RNASE11: variants seen among roughly 807,000 people sequenced by gnomAD.
RNASE11 encodes ribonuclease A family member 11 (inactive).
For missense variants in RNASE11, 252 were observed against 237.8 expected (o/e 1.06, Z -0.39); for synonymous variants, 105 against 86.1 (o/e 1.22, Z -1.21).
chr14:20,585,887 TTC>T (rs1884424630), intron 1 of RNASE11, among the ~76,000 whole-genome samples: 1 of 152,218 alleles, frequency 6.6e-6, no homozygotes, highest in Non-Finnish European at 1.5e-5. Context: ...TAATAATTAT[TTC>T]TCTCTCTTTA....
At chr14:20,585,037 G>T (rs1046521541) in intron 1 of RNASE11, 4 of 981,974 alleles carry the variant, frequency 4.1e-6, no homozygotes, top group Non-Finnish European at 3.6e-6. Context: ...CAGTTCCTTC[G>T]GCAAGTTGAT....
chr14:20,585,422 C>A (rs1440588998), intron 1 of RNASE11, among the ~76,000 whole-genome samples: 1 of 152,148 alleles, frequency 6.6e-6, no homozygotes, highest in African/African-American at 2.4e-5. Context: ...TCATGTTAAT[C>A]TTTTCTCCCT....
chr14:20,587,100 C>T (rs757264794), intron 1 of RNASE11, among the ~76,000 whole-genome samples: 2 of 152,186 alleles, frequency 1.3e-5, no homozygotes, highest in African/African-American at 2.4e-5. Context: ...CTGCAGTGAG[C>T]TGTGATCACA....
At chr14:20,587,976 T>C (rs764428436), upstream of RNASE11, 2 of 295,956 alleles carry the variant, frequency 6.8e-6, no homozygotes, top group Non-Finnish European at 1.0e-5. Context: ...CACCCATGCC[T>C]GCTCTAGGTC....
upstream of RNASE11, among the ~76,000 whole-genome samples, chr14:20,589,749 C>A (rs564950222): frequency 1.3e-5 from 2 of 151,942 alleles, no homozygotes; most frequent in East Asian, 3.9e-4. Flanking sequence ...CAGCCGGGCG[C>A]GGTGGCACAT....
chr14:20,584,113 A>T (rs1351465811), exon 2 of RNASE11: 1 of 1,614,158 alleles, frequency 6.2e-7, no homozygotes, highest in South Asian at 1.1e-5. Context: ...GGAGCTGCGG[A>T]TGAAGTTATT....
exon 2 of RNASE11, chr14:20,583,622 GT>G (rs1884356704): frequency 2.6e-6 from 1 of 382,886 alleles, no homozygotes; most frequent in African/African-American, 2.0e-5. Flanking sequence ...ATGAAATTCA[GT>G]TTGTTTTACA....
upstream of RNASE11, chr14:20,587,807 G>T (rs534590663): frequency 1.2e-3 from 1,198 of 985,352 alleles, 1 homozygote; most frequent in Non-Finnish European, 1.4e-3. Flanking sequence ...CTGATCAATC[G>T]CATGGAACTT....
At chr14:20,584,182 C>T (rs1025694818) in exon 2 of RNASE11, 3 of 1,614,090 alleles carry the variant, frequency 1.9e-6, no homozygotes, top group South Asian at 1.1e-5. Flanking sequence ...CATGTCATTG[C>T]AACACTCTTT....
At chr14:20,587,949 C>G (rs540046979), upstream of RNASE11, 1 of 678,640 alleles carries the variant, frequency 1.5e-6, no homozygotes, top group Non-Finnish European at 1.8e-6. Context: ...AGAGAGTGCT[C>G]TCCAAAGCCT....
chr14:20,587,600 C>G, exon 1 of RNASE11: 1 of 985,362 alleles, frequency 1.0e-6, no homozygotes, highest in Non-Finnish European at 1.2e-6. Flanking sequence ...GCTGAGGGCT[C>G]TGTTTACCTG....
chr14:20,586,441 T>C (rs1884435384), intron 1 of RNASE11, among the ~76,000 whole-genome samples: 1 of 152,014 alleles, frequency 6.6e-6, no homozygotes, highest in Admixed American at 6.6e-5. Flanking sequence ...GTATGAACTT[T>C]TAAAAAATTA....
chr14:20,584,379 G>A lies in RNASE11; in HGVS notation c.96C>T (p.Asp32=), dbSNP rs34493377. 2,707 of 1,614,016 alleles carry A rather than the reference G, an allele frequency of 1.7e-3. 15 individuals carry two copies. The African/African-American group carries it at 0.025, about 15-fold the overall frequency. ...TTGCCATGTCATATTGCATCTCTTC[G>A]TCTGTAAATTCTTCTTTAATTATCT... is the stretch of plus-strand genomic sequence containing the variant. Residue 32 remains aspartate, a synonymous_variant, in exon 2 of 2, where the codon GAC becomes GAT. Transcript: ENST00000553849.
rs1884392146 is a variant in RNASE11 at position 20,584,515 on chromosome 14, A to G, written c.-22-19T>C. On this transcript the variant is annotated intron_variant, in intron 1 of 1. Coordinates refer to ENST00000553849, the Ensembl canonical transcript of RNASE11. ...ATCTCTTCTGCAGTAAAGACAATAA[A>G]TGAAAGATAAAATAAGAAGATTAAA... The G allele has an allele frequency of 2.0e-6, 3 of 1,517,724 alleles. No homozygotes were observed. The highest frequency in any genetic ancestry group is 1.4e-5 in the African/African-American group (1 of 71,538). The allele number at this position is 1,517,724 out of a possible 1,614,324, so 94.0% of individuals were successfully genotyped here.
upstream of RNASE11, among the ~76,000 whole-genome samples, chr14:20,589,195 C>A (rs1297921593): frequency 7.2e-5 from 11 of 152,006 alleles, no homozygotes; most frequent in Non-Finnish European, 8.8e-5. Context: ...TTACCCTGAT[C>A]CTAGCCTTGT....
rs915721291 is a variant in RNASE11, at chr14:20,583,668, TAGAG to T, written c.*203_*206del. ...CCCTCCCCCCACACAGAGAGAGAGATAGAGAGAGAAGAATCTGCACGCCAGTATC... is the reference window on the plus strand; with the variant it reads ...CCCTCCCCCCACACAGAGAGAGAGATAGAGAAGAATCTGCACGCCAGTATC... On this transcript the variant is annotated 3_prime_UTR_variant, in exon 2 of 2. Coordinates refer to ENST00000553849, the Ensembl canonical transcript of RNASE11. 6.1e-5 allele frequency: 16 copies of T among 262,760 alleles called. No individual in the cohort carries two copies. The Admixed American group carries it at 6.8e-4, about 11-fold the overall frequency. The allele number at this position is 262,760 out of a possible 1,614,324, so 16.3% of individuals were successfully genotyped here. A position where few individuals can be genotyped will look rare whatever the true frequency, so the allele number is the denominator to read the frequency against.
chr14:20,584,920 C>T lies in RNASE11; in HGVS notation c.-22-424G>A, dbSNP rs983598168. On this transcript the variant is annotated intron_variant, in intron 1 of 1. Coordinates refer to ENST00000553849, the Ensembl canonical transcript of RNASE11. ...GTATCTCCTATAGCCTCATATAGAACCTGGCACATGGTAGCCACTCGAAAA... is the reference window on the plus strand; with the variant it reads ...GTATCTCCTATAGCCTCATATAGAATCTGGCACATGGTAGCCACTCGAAAA... The T allele has an allele frequency of 2.5e-5, 6 of 238,548 alleles. No individual in the cohort carries two copies. In the Admixed American group the frequency reaches 3.9e-4, roughly 15 times the overall value. The allele number at this position is 238,548 out of a possible 1,614,324, so 14.8% of individuals were successfully genotyped here.
intron 1 of RNASE11, chr14:20,584,941 G>T: frequency 4.8e-6 from 2 of 413,900 alleles, no homozygotes; most frequent in Non-Finnish European, 6.5e-6. Flanking sequence ...GTAGCCACTC[G>T]AAAACAAAAT....
At chr14:20,583,928 C>T (rs1884366943) in exon 2 of RNASE11, 1 of 1,614,052 alleles carries the variant, frequency 6.2e-7, no homozygotes, top group Admixed American at 1.7e-5. Flanking sequence ...CCTGTCAGCA[C>T]TGTCAATATC....
Sources: allele counts gnomAD v4.1 joint callset (sites outside exome capture counted in the v4.1 genomes callset), GRCh38; gene constraint gnomAD v4.1.1; transcripts MANE v1.5; gene names NCBI Gene and HGNC (gene_info 2026-07-23, HGNC 2026-07-21).